The following ADCY2 variants were observed in gnomAD, a reference collection of about 807,000 sequenced individuals.
ADCY2 encodes adenylate cyclase 2.
Under a neutral mutation model 125.2 loss-of-function variants are expected in ADCY2, and 31 were observed. That is an observed-to-expected ratio of 0.25 (90% CI 0.19 to 0.33). The LOEUF is 0.33. Among genes scored for constraint, ADCY2 ranks in the 10% least tolerant of loss-of-function variants. The pLI is 1.00. For synonymous variants in ADCY2, 512 were observed against 548.4 expected (o/e 0.93, Z 0.93); for missense variants, 904 against 1,418.2 (o/e 0.64, Z 5.82).
rs762256972 is a variant in ADCY2 at position 7,396,467 on chromosome 5, C to T, written c.171C>T (p.Ser57=). The change falls in exon 1 of 25, where the codon TCC becomes TCT. Residue 57 remains serine (S), a synonymous_variant. Transcript: ENST00000338316. The surrounding 1 kb of genome is among the most constrained non-coding windows in gnomAD (Gnocchi z 5.7). ...TCCTGCTGCTCATCGTCATGGGCTC[C>T]TGCCTCGCCCTGCTCGCCGTCTTCT... ...IVFLLLIVMG[S]CLALLAVFFA... is the part of the protein sequence containing the mutation. 2.5e-6 allele frequency: 4 copies of T among 1,571,344 alleles called. No homozygotes were observed. The highest frequency in any genetic ancestry group is 1.4e-5 in the African/African-American group (1 of 71,232).
intron 4 of ADCY2, among the ~76,000 whole-genome samples, chr5:7,648,868 C>T (rs555543830): frequency 6.6e-6 from 1 of 152,146 alleles, no homozygotes; most frequent in Admixed American, 6.5e-5. Flanking sequence ...GTCTTTTGCC[C>T]ATGGTTATGG....
chr5:7,683,838 C>T (rs570275209), intron 4 of ADCY2, among the ~76,000 whole-genome samples: 1 of 152,184 alleles, frequency 6.6e-6, no homozygotes, highest in Non-Finnish European at 1.5e-5. Flanking sequence ...TTCATCAAAT[C>T]GATACCAATG....
At chr5:7,516,110 G>A (rs1289047906) in intron 2 of ADCY2, among the ~76,000 whole-genome samples, 1 of 146,448 alleles carries the variant, frequency 6.8e-6, no homozygotes, top group Non-Finnish European at 1.6e-5. Context: ...TACTGCAGCA[G>A]CATTAGACAA....
chr5:7,571,089 TAGTC>T (rs138104424), intron 3 of ADCY2, among the ~76,000 whole-genome samples: 12,311 of 152,168 alleles, frequency 0.081, 700 homozygotes, highest in Non-Finnish European at 0.12. Flanking sequence ...TGGAATCTAT[TAGTC>T]AGGGTTCTCT....
chr5:7,514,637 A>G (rs1395540608), intron 2 of ADCY2, among the ~76,000 whole-genome samples: 2 of 152,224 alleles, frequency 1.3e-5, no homozygotes, highest in African/African-American at 2.4e-5. Flanking sequence ...TGCAGATGTC[A>G]TCAGGTTAAG....
chr5:7,766,772 C>T lies in ADCY2; in HGVS notation c.2180C>T (p.Ala727Val), dbSNP rs751516228. 14 of 1,611,032 alleles carry T rather than the reference C, an allele frequency of 8.7e-6. No individual in the cohort carries two copies. Among genetic ancestry groups the T allele is most frequent in the South Asian group, 1.1e-5 (1 of 90,196 alleles). Reference protein sequence around the residue: ...TSFSASNNQVAILRAQNLFFL... With the variant: ...TSFSASNNQVVILRAQNLFFL... ...TTTTCAGCCTCAAATAATCAGGTGG[C>T]GATTCTGCGTGCGCAGAATTTATTT... Residue 727 changes from alanine to valine, a missense_variant, in exon 17 of 25, where the codon GCG becomes GTG. This residue lies in a region of ADCY2 where 221 missense variants were observed against 246.2 expected (regional missense o/e 0.90). Transcript: ENST00000338316.
At position 7,634,675 on chromosome 5, in the gene ADCY2, C is replaced by T. The variant is rs139948438; in HGVS notation, c.720+8359C>T. On this transcript the variant is annotated intron_variant, in intron 4 of 24. Coordinates refer to ENST00000338316, the MANE Select transcript of ADCY2 (RefSeq NM_020546.3). Reference sequence around the variant, plus strand: ...AGGATTATACAAGATGCAGAAAAGCCCTCTTGTCCTATTTATCAAATTTAC... The same window carrying T: ...AGGATTATACAAGATGCAGAAAAGCTCTCTTGTCCTATTTATCAAATTTAC... Among the ~76,000 whole-genome samples, 669 of 151,932 alleles carry T rather than the reference C, an allele frequency of 4.4e-3. 8 individuals carry two copies. Among genetic ancestry groups the T allele is most frequent in the African/African-American group, 0.015 (629 of 41,434 alleles).
chr5:7,432,460 G>A (rs1231141015), intron 2 of ADCY2, among the ~76,000 whole-genome samples: 1 of 152,174 alleles, frequency 6.6e-6, no homozygotes, highest in Non-Finnish European at 1.5e-5. Context: ...TGCAGGGCTG[G>A]TACAGAGTTT....
At chr5:7,683,970 G>A (rs952700379) in intron 4 of ADCY2, among the ~76,000 whole-genome samples, 4 of 152,134 alleles carry the variant, frequency 2.6e-5, no homozygotes, top group Admixed American at 2.6e-4. Flanking sequence ...CTGGCCTTCT[G>A]TACCTTATGT....
intron 2 of ADCY2, among the ~76,000 whole-genome samples, chr5:7,474,600 G>C (rs560838850): frequency 6.6e-6 from 1 of 152,332 alleles, no homozygotes; most frequent in Admixed American, 6.5e-5. Flanking sequence ...ACCCAGCGAG[G>C]AGACTGCTAA....
At chr5:7,660,610 G>T (rs887575380) in intron 4 of ADCY2, among the ~76,000 whole-genome samples, 1 of 152,182 alleles carries the variant, frequency 6.6e-6, no homozygotes, top group African/African-American at 2.4e-5. Context: ...GAGTCAGAAG[G>T]CTGGAGACAT....
intron 1 of ADCY2, among the ~76,000 whole-genome samples, chr5:7,412,390 T>G (rs773081930): frequency 1.1e-4 from 17 of 152,190 alleles, no homozygotes; most frequent in Non-Finnish European, 1.3e-4. Flanking sequence ...TGGGGAGGTT[T>G]AAGTTAAATC....
intron 14 of ADCY2, among the ~76,000 whole-genome samples, chr5:7,734,046 A>G (rs527530674): frequency 6.6e-6 from 1 of 152,322 alleles, no homozygotes; most frequent in African/African-American, 2.4e-5. Flanking sequence ...ATCATTTAAA[A>G]AAGAGGAATT....
At chr5:7,477,113 A>G (rs1485366841) in intron 2 of ADCY2, among the ~76,000 whole-genome samples, 1 of 152,094 alleles carries the variant, frequency 6.6e-6, no homozygotes, top group East Asian at 1.9e-4. Flanking sequence ...TCTTATAGTT[A>G]TATTTATCTC....
intron 1 of ADCY2, among the ~76,000 whole-genome samples, chr5:7,405,362 A>G (rs894239379): frequency 9.5e-5 from 14 of 147,966 alleles, no homozygotes; most frequent in Admixed American, 2.0e-4. Flanking sequence ...CTTCTGACCT[A>G]GGTTTCCCAG....
chr5:7,678,332 G>T (rs137895688), intron 4 of ADCY2, among the ~76,000 whole-genome samples: 1 of 152,116 alleles, frequency 6.6e-6, no homozygotes, highest in South Asian at 2.1e-4. Context: ...TAACATGAGC[G>T]CTTGGACTTG....
intron 3 of ADCY2, among the ~76,000 whole-genome samples, chr5:7,535,716 G>A (rs1211787659): frequency 6.6e-6 from 1 of 152,188 alleles, no homozygotes; most frequent in Admixed American, 6.5e-5. Context: ...GGGAGGATAC[G>A]AAGGTGATTG....
chr5:7,665,196 TAC>T (rs1372630988), intron 4 of ADCY2, among the ~76,000 whole-genome samples: 2 of 152,210 alleles, frequency 1.3e-5, no homozygotes, highest in African/African-American at 2.4e-5. Flanking sequence ...TCAAATATTT[TAC>T]AGAGTTTGAC....
At chr5:7,568,996 T>C (rs1192243001) in intron 3 of ADCY2, among the ~76,000 whole-genome samples, 1 of 152,128 alleles carries the variant, frequency 6.6e-6, no homozygotes, top group Non-Finnish European at 1.5e-5. Flanking sequence ...CTAACAACTA[T>C]GGTAGACTGC....
Sources: gnomAD v4.1 joint callset for allele counts (sites outside exome capture counted in the v4.1 genomes callset) on GRCh38, gnomAD v4.1.1 for gene constraint, gnomAD v4.1.1 regional missense constraint, Gnocchi (gnomAD v3.1) non-coding constraint, MANE v1.5 for transcripts, NCBI Gene and HGNC (gene_info 2026-07-23, HGNC 2026-07-21) for gene names.